Variants in ANKRD33B observed in about 807,000 individuals in gnomAD.
ANKRD33B encodes ankyrin repeat domain-containing protein 33B.
Under a neutral mutation model 21.5 loss-of-function variants are expected in ANKRD33B, and 6 were observed. That is an observed-to-expected ratio of 0.28 (90% CI 0.15 to 0.55). ANKRD33B has a LOEUF of 0.55. Ranked by LOEUF, ANKRD33B falls within the 20% of genes least tolerant of loss-of-function variation. The pLI is 0.94. For missense variants in ANKRD33B, 698 were observed against 747.2 expected (o/e 0.93, Z 0.77); for synonymous variants, 347 against 342.4 (o/e 1.01, Z -0.15).
chr5:10,637,971 G>T (rs1736911088), intron 2 of ANKRD33B, 57 bp from the exon 3 acceptor site: 2 of 1,517,128 alleles, frequency 1.3e-6, no homozygotes, highest in Admixed American at 4.0e-5. Flanking sequence ...GGCCTGGCTG[G>T]AACCAGCACA....
Position 10,564,341 on chromosome 5 carries a change from A to AGCTG in ANKRD33B, c.-125_-122dup. Reference sequence around the variant, plus strand: ...AGCCGCCTGGTGCCGGTTTCCGCCGAGCTGGAGCGCGCGGGCCACGGCTTC... The same window carrying AGCTG: ...AGCCGCCTGGTGCCGGTTTCCGCCGAGCTGGCTGGAGCGCGCGGGCCACGGCTTC... On this transcript the variant is annotated 5_prime_UTR_variant, in exon 1 of 4. Transcript: ENST00000296657. The AGCTG allele has an allele frequency of 1.6e-6, 1 of 635,270 alleles. No individual in the cohort carries two copies. The highest frequency in any genetic ancestry group is 2.0e-6 in the Non-Finnish European group (1 of 506,798). The allele number at this position is 635,270 out of a possible 1,614,324, so 39.4% of individuals were successfully genotyped here. A position where few individuals can be genotyped will look rare whatever the true frequency, so the allele number is the denominator to read the frequency against.
At chr5:10,585,789 G>C (rs1173626905) in intron 1 of ANKRD33B, among the ~76,000 whole-genome samples, 2 of 152,226 alleles carry the variant, frequency 1.3e-5, no homozygotes, top group African/African-American at 4.8e-5. Context: ...ATGGCCTCAT[G>C]GCCATGGGGT....
intron 1 of ANKRD33B, among the ~76,000 whole-genome samples, chr5:10,608,661 T>TG (rs1288146497): frequency 8.3e-6 from 1 of 119,942 alleles, no homozygotes; most frequent in Non-Finnish European, 1.7e-5. Flanking sequence ...GACCTCACTA[T>TG]GAAAAAAAAA....
intron 3 of ANKRD33B, among the ~76,000 whole-genome samples, 173 bp downstream of exon 3, chr5:10,638,341 G>C (rs1736924718): frequency 6.6e-6 from 1 of 152,220 alleles, no homozygotes. Flanking sequence ...TTTTAAAAAA[G>C]CCACAGCATT....
intron 1 of ANKRD33B, among the ~76,000 whole-genome samples, chr5:10,574,092 G>A (rs563988440): frequency 2.0e-4 from 30 of 152,300 alleles, no homozygotes; most frequent in Non-Finnish European, 4.1e-4. Flanking sequence ...ACAAACATGC[G>A]TGAGCAGGCG....
At chr5:10,614,156 C>T (rs1177692084) in intron 1 of ANKRD33B, among the ~76,000 whole-genome samples, 1 of 152,092 alleles carries the variant, frequency 6.6e-6, no homozygotes, top group African/African-American at 2.4e-5. Flanking sequence ...ACTCTGAAGG[C>T]AGTGCTGCCG....
intron 1 of ANKRD33B, among the ~76,000 whole-genome samples, chr5:10,579,527 C>G (rs1043392729): frequency 2.0e-5 from 3 of 152,100 alleles, no homozygotes; most frequent in Non-Finnish European, 2.9e-5. Flanking sequence ...TTGTGCATGA[C>G]TTTGAAAAAG....
intron 1 of ANKRD33B, 68 bp from the exon 2 acceptor site, chr5:10,618,265 G>A: frequency 6.5e-7 from 1 of 1,532,134 alleles, no homozygotes; most frequent in Non-Finnish European, 8.7e-7. Flanking sequence ...TGCCCCTCGG[G>A]GTCCCCAGTG....
chr5:10,600,221 C>G (rs1735901090), intron 1 of ANKRD33B, among the ~76,000 whole-genome samples: 1 of 152,230 alleles, frequency 6.6e-6, no homozygotes, highest in South Asian at 2.1e-4. Context: ...AAATGCACAA[C>G]TCTTAAGGGT....
chr5:10,638,132 G>A lies in ANKRD33B; in HGVS notation c.601G>A (p.Gly201Ser), dbSNP rs1438589672. ...FTALMKAAMQ[G>S]RTDCIRALML... ...CGCCCTGATGAAAGCCGCCATGCAG[G>A]GTCGAACGGACTGCATCCGAGCCCT... The change falls in exon 3 of 4, where the codon GGT becomes AGT. Residue 201 changes from glycine (G) to serine (S), a missense_variant. Around this residue, in one of 3 missense-constraint regions of ANKRD33B, gnomAD observed 543 missense variants for 566.5 expected, o/e 0.96. Transcript: ENST00000296657. 3.3e-6 allele frequency: 5 copies of A among 1,537,294 alleles called. No homozygotes were observed. In the African/African-American group the frequency reaches 5.5e-5, roughly 17 times the overall value.
At chr5:10,605,645 C>T in intron 1 of ANKRD33B, among the ~76,000 whole-genome samples, 1 of 152,116 alleles carries the variant, frequency 6.6e-6, no homozygotes, top group East Asian at 1.9e-4. Context: ...TCTCTTGCCT[C>T]AGCCTCCCAA....
chr5:10,638,844 TA>T, intron 3 of ANKRD33B, among the ~76,000 whole-genome samples: 1 of 152,214 alleles, frequency 6.6e-6, no homozygotes, highest in Non-Finnish European at 1.5e-5. Context: ...AGTTACATGG[TA>T]ACATTAAGAG....
intron 3 of ANKRD33B, among the ~76,000 whole-genome samples, chr5:10,647,983 G>A (rs1047348561): frequency 6.6e-6 from 1 of 152,190 alleles, no homozygotes; most frequent in African/African-American, 2.4e-5. Flanking sequence ...AGTTGACATA[G>A]AAAACTAAAA....
At chr5:10,640,050 C>T (rs372986104) in intron 3 of ANKRD33B, among the ~76,000 whole-genome samples, 13 of 69,432 alleles carry the variant, frequency 1.9e-4, no homozygotes, top group East Asian at 1.6e-3. Flanking sequence ...TGGAGTTGCA[C>T]GGTGATGTTA....
chr5:10,636,858 G>A (rs564082192), intron 2 of ANKRD33B, among the ~76,000 whole-genome samples: 1 of 152,216 alleles, frequency 6.6e-6, no homozygotes, highest in African/African-American at 2.4e-5. Context: ...TTCTCACCTG[G>A]GGTGTTCTTG....
intron 3 of ANKRD33B, among the ~76,000 whole-genome samples, chr5:10,647,113 T>G (rs1324284282): frequency 1.3e-5 from 2 of 152,156 alleles, no homozygotes; most frequent in African/African-American, 2.4e-5. Flanking sequence ...TCAATGATTT[T>G]TTTTTTTTTG....
rs1737343351 is a variant in ANKRD33B, at chr5:10,650,939, AAC to A, written c.*827_*828del. ...ACATTAAAAATAGATATGAGAAAAA[AAC>A]TGTCATTCGATAAAATGAGGCAAAT... On this transcript the variant is annotated 3_prime_UTR_variant, in exon 4 of 4. Coordinates refer to ENST00000296657, the MANE Select transcript of ANKRD33B (RefSeq NM_001164440.2). The A allele has an allele frequency of 6.6e-6, 1 of 152,390 alleles. No individual in the cohort carries two copies. The highest frequency in any genetic ancestry group is 1.5e-5 in the Non-Finnish European group (1 of 68,044). The allele number at this position is 152,390 out of a possible 1,614,324, so 9.4% of individuals were successfully genotyped here. A position where few individuals can be genotyped will look rare whatever the true frequency, so the allele number is the denominator to read the frequency against.
rs576438442 is a variant in ANKRD33B, at chr5:10,634,266, C to T, written c.497-3762C>T. Among the ~76,000 whole-genome samples, 11 of 152,254 alleles carry T rather than the reference C, an allele frequency of 7.2e-5. No individual in the cohort carries two copies. In the South Asian group the frequency reaches 1.0e-3, roughly 14 times the overall value. Reference sequence around the variant, plus strand: ...CATTGTCTACACTATGTTCCAGTGACGCGATTTCATTCAAATTCACTTCCT... The same window carrying T: ...CATTGTCTACACTATGTTCCAGTGATGCGATTTCATTCAAATTCACTTCCT... On this transcript the variant is annotated intron_variant, in intron 2 of 3. Coordinates refer to ENST00000296657, the MANE Select transcript of ANKRD33B (RefSeq NM_001164440.2).
At chr5:10,606,627 G>C (rs1207453123) in intron 1 of ANKRD33B, among the ~76,000 whole-genome samples, 2 of 152,058 alleles carry the variant, frequency 1.3e-5, no homozygotes, top group Non-Finnish European at 2.9e-5. Context: ...CCAGCTACTC[G>C]GGAGGCTGAG....
Sources: allele counts gnomAD v4.1 joint callset (sites outside exome capture counted in the v4.1 genomes callset), GRCh38; gene constraint gnomAD v4.1.1; regional missense constraint gnomAD v4.1.1; transcripts MANE v1.5; gene names NCBI Gene and HGNC (gene_info 2026-07-23, HGNC 2026-07-21).